Variants in ZCCHC7 observed in about 807,000 individuals in gnomAD.
ZCCHC7 encodes zinc finger CCHC domain-containing protein 7.
A neutral mutation model predicts 52.0 loss-of-function variants in ZCCHC7; 35 were observed. The observed-to-expected ratio is 0.67, with a 90% CI of 0.51 to 0.89. The LOEUF (loss-of-function observed/expected upper bound fraction) is 0.89. Ranked by LOEUF, ZCCHC7 falls within the 40% of genes least tolerant of loss-of-function variation. The probability of loss-of-function intolerance (pLI) is 0.00; values close to 1 mark genes in which losing one functional copy is unlikely to be tolerated. For synonymous variants in ZCCHC7, 217 were observed against 221.5 expected (o/e 0.98, Z 0.18); for missense variants, 574 against 649.1 (o/e 0.88, Z 1.26).
At chr9:37,235,677 G>A (rs768541349) in intron 2 of ZCCHC7, among the ~76,000 whole-genome samples, 1 of 150,674 alleles carries the variant, frequency 6.6e-6, no homozygotes, top group Non-Finnish European at 1.5e-5. Flanking sequence ...TGCAACCTCC[G>A]ACTCCCTGTT....
At chr9:37,336,300 T>C (rs894463368) in intron 6 of ZCCHC7, among the ~76,000 whole-genome samples, 3 of 152,274 alleles carry the variant, frequency 2.0e-5, no homozygotes, top group South Asian at 2.1e-4. Context: ...TACATGCAGT[T>C]TGTATTCTTT....
intron 7 of ZCCHC7, 146 bp downstream of exon 7, chr9:37,349,598 C>A: frequency 1.4e-6 from 1 of 725,152 alleles, no homozygotes; most frequent in Non-Finnish European, 2.3e-6. Context: ...CTGGTTTACC[C>A]CTCCCCTCCC....
rs187695102 is a variant in ZCCHC7 at position 37,314,035 on chromosome 9, A to G, written c.951+8321A>G. Among the ~76,000 whole-genome samples, 15 of 152,278 alleles carry G rather than the reference A, an allele frequency of 9.9e-5. No individual in the cohort carries two copies. In the East Asian group the frequency reaches 2.1e-3, roughly 22 times the overall value. On this transcript the variant is annotated intron_variant, in intron 5 of 8. Coordinates refer to ENST00000336755, the MANE Select transcript of ZCCHC7 (RefSeq NM_032226.3). ...TCTAAGTAACCTGAAAATTCCTCCA[A>G]TCTTTTCAACTCTCCGTATAGTACA...
intron 7 of ZCCHC7, among the ~76,000 whole-genome samples, chr9:37,352,474 C>G (rs1205939565): frequency 1.4e-5 from 2 of 146,118 alleles, no homozygotes; most frequent in Non-Finnish European, 3.0e-5. Flanking sequence ...TTGAGTGTAT[C>G]AAGACCTCTG....
chr9:37,184,676 C>T (rs561670234), intron 2 of ZCCHC7, among the ~76,000 whole-genome samples: 2 of 148,432 alleles, frequency 1.3e-5, no homozygotes, highest in Admixed American at 1.3e-4. Context: ...GTTTTAACCT[C>T]TGTCTGGTGA....
intron 2 of ZCCHC7, among the ~76,000 whole-genome samples, chr9:37,218,942 A>ATT (rs5897682): frequency 1.2e-3 from 129 of 106,396 alleles, no homozygotes; most frequent in African/African-American, 4.0e-3. Context: ...CTAGAGCAAC[A>ATT]TTTTTTTTTT....
chr9:37,337,330 G>A (rs914593968), intron 6 of ZCCHC7, among the ~76,000 whole-genome samples: 7 of 150,712 alleles, frequency 4.6e-5, no homozygotes, highest in East Asian at 1.9e-4. Context: ...TCTCCAGCTC[G>A]CCTGGTAATG....
intron 2 of ZCCHC7, among the ~76,000 whole-genome samples, chr9:37,244,700 C>T (rs1187774952): frequency 6.6e-6 from 1 of 151,782 alleles, no homozygotes; most frequent in Non-Finnish European, 1.5e-5. Context: ...ATGTTTTGCA[C>T]TGTTTGTTGG....
Position 37,257,993 on chromosome 9 carries a change from T to C in ZCCHC7, c.611-44195T>C, listed in dbSNP as rs143728685. Among the ~76,000 whole-genome samples, 435 of 152,266 alleles carry C rather than the reference T, an allele frequency of 2.9e-3. 2 individuals are homozygous for C. The highest frequency in any genetic ancestry group is 9.9e-3 in the African/African-American group (410 of 41,556). ...GCAAGGGGTATAGCTGGTCCTAAAA[T>C]TGTAAGATTAGGAACTATACTTTGT... On this transcript the variant is annotated intron_variant, in intron 2 of 8. Transcript: ENST00000336755.
At chr9:37,183,642 C>T (rs1236308979) in intron 2 of ZCCHC7, among the ~76,000 whole-genome samples, 2 of 152,156 alleles carry the variant, frequency 1.3e-5, no homozygotes, top group African/African-American at 2.4e-5. Context: ...CTTCAGTTTA[C>T]CAGGCATGGA....
In ZCCHC7 at chr9:37,319,404, T is replaced by C. The variant is rs1829963978; in HGVS notation, c.952-8395T>C. 7.2e-5 allele frequency among the ~76,000 whole-genome samples: 11 copies of C among 152,260 alleles called. 1 individual carries two copies. In the South Asian group the frequency reaches 2.3e-3, roughly 32 times the overall value. On this transcript the variant is annotated intron_variant, in intron 5 of 8. Coordinates refer to ENST00000336755, the MANE Select transcript of ZCCHC7 (RefSeq NM_032226.3). Reference sequence around the variant, plus strand: ...AGTCCAACTTATAAATTTGAACTCTTTACCCAACCCCAGATCACACAGTTT... The same window carrying C: ...AGTCCAACTTATAAATTTGAACTCTCTACCCAACCCCAGATCACACAGTTT...
intron 2 of ZCCHC7, among the ~76,000 whole-genome samples, chr9:37,275,312 G>A (rs1389263647): frequency 8.3e-6 from 1 of 119,992 alleles, no homozygotes; most frequent in Non-Finnish European, 1.7e-5. Context: ...ATATTGTCTA[G>A]TTTTCCTTTT....
chr9:37,160,658 G>C (rs895514089), intron 2 of ZCCHC7, among the ~76,000 whole-genome samples: 1 of 152,196 alleles, frequency 6.6e-6, no homozygotes, highest in African/African-American at 2.4e-5. Flanking sequence ...AGGCGAGGCA[G>C]GTGGATCACT....
chr9:37,348,378 C>CTTTCTTTCTTTCT (rs1554736761), intron 6 of ZCCHC7, among the ~76,000 whole-genome samples: 86 of 146,558 alleles, frequency 5.9e-4, no homozygotes, highest in African/African-American at 2.2e-3. Context: ...TTCTTTCTTT[C>CTTTCTTTCTTTCT]TTTCTTTCTT....
At chr9:37,128,514 T>C (rs1470942279) in intron 2 of ZCCHC7, among the ~76,000 whole-genome samples, 3 of 152,230 alleles carry the variant, frequency 2.0e-5, no homozygotes, top group Non-Finnish European at 2.9e-5. Flanking sequence ...GTTGTAGTTA[T>C]GATTTTAGTA....
At chr9:37,234,129 A>C (rs950250399) in intron 2 of ZCCHC7, among the ~76,000 whole-genome samples, 1 of 151,930 alleles carries the variant, frequency 6.6e-6, no homozygotes, top group African/African-American at 2.4e-5. Context: ...TTGGCCTCCC[A>C]GAGTGCTAGA....
In ZCCHC7 at chr9:37,242,771, AT is replaced by A. The variant is rs535433989; in HGVS notation, c.611-59414del. Reference sequence around the variant, plus strand: ...TGTGTATTTTATATTTACATTTTACATTTACATATTTTATCTATTAAGAATT... The same window carrying A: ...TGTGTATTTTATATTTACATTTTACATTACATATTTTATCTATTAAGAATT... On this transcript the variant is annotated intron_variant, in intron 2 of 8. Transcript: ENST00000336755. Among the ~76,000 whole-genome samples, 521 of 151,962 alleles carry A rather than the reference AT, an allele frequency of 3.4e-3. 4 individuals are homozygous for A. The highest frequency in any genetic ancestry group is 0.012 in the African/African-American group (494 of 41,530).
At chr9:37,156,479 T>C (rs1820821642) in intron 2 of ZCCHC7, among the ~76,000 whole-genome samples, 1 of 152,242 alleles carries the variant, frequency 6.6e-6, no homozygotes, top group South Asian at 2.1e-4. Context: ...ATGGCGGTTG[T>C]CAGTAAATGT....
intron 2 of ZCCHC7, among the ~76,000 whole-genome samples, chr9:37,269,581 T>G (rs889567991): frequency 1.6e-5 from 2 of 123,738 alleles, no homozygotes; most frequent in Non-Finnish European, 3.1e-5. Flanking sequence ...ATTGTACCAC[T>G]GCATTCCAAC....
Sources: gnomAD v4.1 joint callset for allele counts (sites outside exome capture counted in the v4.1 genomes callset) on GRCh38, gnomAD v4.1.1 for gene constraint, MANE v1.5 for transcripts, NCBI Gene and HGNC (gene_info 2026-07-23, HGNC 2026-07-21) for gene names.